ZNF32: variants seen among roughly 807,000 people sequenced by gnomAD.
ZNF32 encodes the protein C2H2-546.
In ZNF32, 13 loss-of-function variants were observed where a neutral mutation model predicts 24.4. That is an observed-to-expected ratio of 0.53 (90% CI 0.35 to 0.85). The LOEUF is 0.85. Ranked by LOEUF, ZNF32 falls within the 40% of genes least tolerant of loss-of-function variation. The pLI, the probability that ZNF32 is intolerant of heterozygous loss-of-function variation, is 0.01. For missense variants in ZNF32, 239 were observed against 325.3 expected (o/e 0.73, Z 2.04); for synonymous variants, 115 against 117.4 (o/e 0.98, Z 0.13).
Position 43,644,902 on chromosome 10 carries a change from C to A in ZNF32, c.71-101G>T, listed in dbSNP as rs529649847. The A allele has an allele frequency of 1.1e-5, 15 of 1,337,242 alleles. No individual in the cohort carries two copies. In the African/African-American group the frequency reaches 1.8e-4, roughly 16 times the overall value. The allele number at this position is 1,337,242 out of a possible 1,614,324, so 82.8% of individuals were successfully genotyped here. ...CTTTGAGTGCTTATGATGTGCCAGG[C>A]CTTATTCTTTGCATAGACAATGCAA... On this transcript the variant is annotated intron_variant, in intron 2 of 2. Transcript: ENST00000374433. This position sits in a 1 kb window ranked among gnomAD's most constrained non-coding sequence, Gnocchi z 5.3.
chr10:43,645,879 T>C lies in ZNF32; in HGVS notation c.70+185A>G. The C allele has an allele frequency of 3.1e-6, 4 of 1,301,050 alleles. No homozygotes were observed. In the South Asian group the frequency reaches 7.2e-5, roughly 23 times the overall value. The allele number at this position is 1,301,050 out of a possible 1,614,324, so 80.6% of individuals were successfully genotyped here. ...AACGCTACCTCCATATCAAGATGGTTCTCTTGCTCTGTTTCTACTATTACT... is the reference window on the plus strand; with the variant it reads ...AACGCTACCTCCATATCAAGATGGTCCTCTTGCTCTGTTTCTACTATTACT... On this transcript the variant is annotated intron_variant, in intron 2 of 2. Coordinates refer to ENST00000374433, the MANE Select transcript of ZNF32 (RefSeq NM_006973.3).
Position 43,644,478 on chromosome 10 carries a change from G to T in ZNF32, c.394C>A (p.Pro132Thr), listed in dbSNP as rs758588972. The change falls in exon 3 of 3, where the codon CCT becomes ACT. Residue 132 changes from proline to threonine, a missense_variant. Pro to Thr is a conservative substitution (Grantham distance 38). Transcript: ENST00000374433. This position sits in a 1 kb window ranked among gnomAD's most constrained non-coding sequence, Gnocchi z 5.3. ...THQRIHTGEK[P>T]YQCKECGKSF... ...TTCCCACACTCCTTGCACTGATAAGGCTTCTCTCCCGTGTGTATCCGTTGA... is the reference window on the plus strand; with the variant it reads ...TTCCCACACTCCTTGCACTGATAAGTCTTCTCTCCCGTGTGTATCCGTTGA... 3.7e-6 allele frequency: 6 copies of T among 1,614,010 alleles called. No individual in the cohort carries two copies. The highest frequency in any genetic ancestry group is 2.2e-5 in the East Asian group (1 of 44,894).
rs1181916096 is a variant in ZNF32 at position 43,646,107 on chromosome 10, C to CA, written c.26dup (p.Leu10AlafsTer19). On this transcript the variant is annotated frameshift_variant, in exon 2 of 3. Transcript: ENST00000374433. LOFTEE classifies it high-confidence loss of function. The stretch of plus-strand genomic sequence containing the variant: ...GGGCATATCTTCCATGACAGTCCAG[C>CA]AGGGTAGCTGTTGGAAATCCAAACA... 6.2e-7 allele frequency: 1 copy of CA among 1,614,190 alleles called. No homozygotes were observed. Among genetic ancestry groups the CA allele is most frequent in the Admixed American group, 1.7e-5 (1 of 60,022 alleles).
At position 43,644,584 on chromosome 10, in the gene ZNF32, C is replaced by T; in HGVS notation, c.288G>A (p.Glu96=). ...FRQKGSLTLH[E]RIHTGQKPFE... is the part of the protein sequence containing the mutation. ...AAGGCTTTTGACCAGTGTGGATTCT[C>T]TCATGTAACGTTAGACTACCTTTTT... The change falls in exon 3 of 3, where the codon GAG becomes GAA. Residue 96 remains glutamate (E), a synonymous_variant. Coordinates refer to ENST00000374433, the MANE Select transcript of ZNF32 (RefSeq NM_006973.3). The surrounding 1 kb of genome is among the most constrained non-coding windows in gnomAD (Gnocchi z 5.3). 1 of 1,613,934 alleles carries T rather than the reference C, an allele frequency of 6.2e-7. No homozygotes were observed. Among genetic ancestry groups the T allele is most frequent in the South Asian group, 1.1e-5 (1 of 91,032 alleles).
chr10:43,646,535 A>G (rs1588855188), intron 1 of ZNF32, among the ~76,000 whole-genome samples: 1 of 152,174 alleles, frequency 6.6e-6, no homozygotes, highest in Admixed American at 6.5e-5. Context: ...CTAACCACCT[A>G]CTACTTTCTT....
Position 43,644,043 on chromosome 10 carries a change from A to G in ZNF32, c.*7T>C. The G allele has an allele frequency of 3.1e-6, 5 of 1,601,456 alleles. No homozygotes were observed. The highest frequency in any genetic ancestry group is 3.4e-6 in the Non-Finnish European group (4 of 1,174,780). On this transcript the variant is annotated 3_prime_UTR_variant, in exon 3 of 3. Coordinates refer to ENST00000374433, the MANE Select transcript of ZNF32 (RefSeq NM_006973.3). This position sits in a 1 kb window ranked among gnomAD's most constrained non-coding sequence, Gnocchi z 5.3. ...TTCATAAAGAGAACTTCTCTTCAGG[A>G]AAGTGGTCAAAGGGTGAGCCTCTGT...
intron 2 of ZNF32, among the ~76,000 whole-genome samples, chr10:43,645,769 C>T (rs1839265897): frequency 6.6e-6 from 1 of 152,094 alleles, no homozygotes; most frequent in African/African-American, 2.4e-5. Flanking sequence ...TCTGTCACTC[C>T]AGGGTAATCT....
intron 2 of ZNF32, 179 bp downstream of exon 2, chr10:43,645,885 G>C (rs1177371812): frequency 1.1e-5 from 15 of 1,330,664 alleles, no homozygotes; most frequent in Non-Finnish European, 1.4e-5. Context: ...TGGTTCTCTT[G>C]CTCTGTTTCT....
Position 43,643,904 on chromosome 10 carries a change from G to T in ZNF32, c.*146C>A. 2 of 773,270 alleles carry T rather than the reference G, an allele frequency of 2.6e-6. No individual in the cohort carries two copies. The highest frequency in any genetic ancestry group is 4.0e-6 in the Non-Finnish European group (2 of 501,940). The allele number at this position is 773,270 out of a possible 1,614,324, so 47.9% of individuals were successfully genotyped here. ...ACATTTATTTTTCATACTCTTTTGGGGGAAAGGAAAAAAATCAGTTTGCCC... is the reference window on the plus strand; with the variant it reads ...ACATTTATTTTTCATACTCTTTTGGTGGAAAGGAAAAAAATCAGTTTGCCC... On this transcript the variant is annotated 3_prime_UTR_variant, in exon 3 of 3. Coordinates refer to ENST00000374433, the MANE Select transcript of ZNF32 (RefSeq NM_006973.3).
intron 1 of ZNF32, chr10:43,647,660 A>G (rs1330727221): frequency 1.3e-5 from 2 of 152,230 alleles, no homozygotes; most frequent in African/African-American, 4.8e-5. Flanking sequence ...CTCACTTCCA[A>G]CTTGGAACAC....
At chr10:43,645,554 G>T (rs767532264) in intron 2 of ZNF32, among the ~76,000 whole-genome samples, 4 of 152,176 alleles carry the variant, frequency 2.6e-5, no homozygotes, top group Admixed American at 6.5e-5. Context: ...GGCAATTATA[G>T]AATCTGATCC....
Position 43,644,108 on chromosome 10 carries a change from G to A in ZNF32, c.764C>T (p.Thr255Ile), listed in dbSNP as rs771983142. Reference sequence around the variant, plus strand: ...GTGCACAGCCAGACTCCCTCTCTGGGTGAAGCTTTTTCCACACTGGCCGCA... The same window carrying A: ...GTGCACAGCCAGACTCCCTCTCTGGATGAAGCTTTTTCCACACTGGCCGCA... ...YLCGQCGKSF[T>I]QRGSLAVHQR... Residue 255 changes from threonine (T) to isoleucine (I), a missense_variant, in exon 3 of 3, where the codon ACC (threonine) becomes ATC (isoleucine). Thr to Ile is a moderately conservative substitution (Grantham distance 89, BLOSUM62 -1). Coordinates refer to ENST00000374433, the MANE Select transcript of ZNF32 (RefSeq NM_006973.3). This position sits in a 1 kb window ranked among gnomAD's most constrained non-coding sequence, Gnocchi z 5.3. 1 of 1,614,180 alleles carries A rather than the reference G, an allele frequency of 6.2e-7. No individual in the cohort carries two copies.
At chr10:43,646,259 A>C in intron 1 of ZNF32, 57 bp from the exon 2 acceptor site, 1 of 1,030,674 alleles carries the variant, frequency 9.7e-7, no homozygotes, top group Non-Finnish European at 1.4e-6. Context: ...TTGATATGTG[A>C]GAAGGAAAAA....
Position 43,643,902 on chromosome 10 carries a change from G to T in ZNF32, c.*148C>A. ...AGACATTTATTTTTCATACTCTTTT[G>T]GGGGAAAGGAAAAAAATCAGTTTGC... On this transcript the variant is annotated 3_prime_UTR_variant, in exon 3 of 3. Coordinates refer to ENST00000374433, the MANE Select transcript of ZNF32 (RefSeq NM_006973.3). 1 of 749,372 alleles carries T rather than the reference G, an allele frequency of 1.3e-6. No individual in the cohort carries two copies. Among genetic ancestry groups the T allele is most frequent in the Non-Finnish European group, 2.1e-6 (1 of 478,936 alleles). 46.4% of individuals were successfully genotyped at this position (749,372 alleles called of 1,614,324 possible). A position where few individuals can be genotyped will look rare whatever the true frequency, so the allele number is the denominator to read the frequency against.
At chr10:43,647,828 A>T (rs1016088739) in intron 1 of ZNF32, 4 of 152,410 alleles carry the variant, frequency 2.6e-5, no homozygotes, top group Non-Finnish European at 5.9e-5. Context: ...AAATTAGAGT[A>T]GAATTCACAG....
Position 43,644,593 on chromosome 10 carries a change from C to T in ZNF32, c.279G>A (p.Thr93=), listed in dbSNP as rs370200419. 5.6e-5 allele frequency: 90 copies of T among 1,613,740 alleles called. No individual in the cohort carries two copies. Among genetic ancestry groups the T allele is most frequent in the Non-Finnish European group, 7.1e-5 (84 of 1,179,902 alleles). Residue 93 remains threonine, a synonymous_variant, in exon 3 of 3, where the codon ACG becomes ACA. Transcript: ENST00000374433. This position sits in a 1 kb window ranked among gnomAD's most constrained non-coding sequence, Gnocchi z 5.3. ...GKSFRQKGSL[T]LHERIHTGQK... ...GACCAGTGTGGATTCTCTCATGTAA[C>T]GTTAGACTACCTTTTTGCCGGAAGG...
Position 43,644,551 on chromosome 10 carries a change from G to A in ZNF32, c.321C>T (p.Cys107=), listed in dbSNP as rs1425772107. 7 of 1,614,018 alleles carry A rather than the reference G, an allele frequency of 4.3e-6. No homozygotes were observed. Among genetic ancestry groups the A allele is most frequent in the Non-Finnish European group, 5.9e-6 (7 of 1,179,956 alleles). The change falls in exon 3 of 3, where the codon TGC becomes TGT. Residue 107 remains cysteine, a synonymous_variant. Coordinates refer to ENST00000374433, the MANE Select transcript of ZNF32 (RefSeq NM_006973.3). The surrounding 1 kb of genome is among the most constrained non-coding windows in gnomAD (Gnocchi z 5.3). ...RIHTGQKPFE[C]THCGKSFRAK... ...CCCTGAAGCTTTTTCCACAGTGGGT[G>A]CACTCAAAAGGCTTTTGACCAGTGT... is the stretch of plus-strand genomic sequence containing the variant.
rs377151494 is a variant in ZNF32, at chr10:43,644,307, A to G, written c.565T>C (p.Tyr189His). The change falls in exon 3 of 3, where the codon TAT (tyrosine) becomes CAT (histidine). Residue 189 changes from tyrosine (Y) to histidine (H), a missense_variant. By Grantham distance (83) the Tyr-to-His change is moderately conservative (BLOSUM62 2). Transcript: ENST00000374433. This position sits in a 1 kb window ranked among gnomAD's most constrained non-coding sequence, Gnocchi z 5.3. ...GCTTTTCCACACTGATCACATCTAT[A>G]GGGCTTCTCACCACTGTGAACTCTC... ...HRRVHSGEKP[Y>H]RCDQCGKAFS... 12 of 1,614,068 alleles carry G rather than the reference A, an allele frequency of 7.4e-6. No homozygotes were observed. Among genetic ancestry groups the G allele is most frequent in the Non-Finnish European group, 1.0e-5 (12 of 1,180,034 alleles).
chr10:43,644,693 G>T lies in ZNF32; in HGVS notation c.179C>A (p.Pro60Gln), dbSNP rs1401558309. ...ATCTTCCTGTAGTGTCTTCGAATCT[G>T]GGGATTTTTGTTCCAGCTTCTCTCT... Reference protein sequence around the residue: ...FRREKLEQKSPDSKTLQEDSP... With the variant: ...FRREKLEQKSQDSKTLQEDSP... The change falls in exon 3 of 3, where the codon CCA becomes CAA. Residue 60 changes from proline to glutamine, a missense_variant. Coordinates refer to ENST00000374433, the MANE Select transcript of ZNF32 (RefSeq NM_006973.3). The surrounding 1 kb of genome is among the most constrained non-coding windows in gnomAD (Gnocchi z 5.3). The T allele has an allele frequency of 6.2e-7, 1 of 1,614,106 alleles. No homozygotes were observed. Among genetic ancestry groups the T allele is most frequent in the South Asian group, 1.1e-5 (1 of 91,068 alleles).
Sources: gnomAD v4.1 joint callset for allele counts (sites outside exome capture counted in the v4.1 genomes callset) on GRCh38, gnomAD v4.1.1 for gene constraint, Gnocchi (gnomAD v3.1) non-coding constraint, MANE v1.5 for transcripts, NCBI Gene and HGNC (gene_info 2026-07-23, HGNC 2026-07-21) for gene names.